ZNF93: variants seen among roughly 807,000 people sequenced by gnomAD.
The protein encoded by ZNF93 is zinc finger protein 505.
ZNF93 carries 29 observed loss-of-function variants against 45.0 expected under a neutral mutation model. The observed-to-expected ratio is 0.64, with a 90% CI of 0.48 to 0.88. The LOEUF (loss-of-function observed/expected upper bound fraction) is 0.88. ZNF93 is among the 40% of genes least tolerant of loss of function. The pLI, the probability that ZNF93 is intolerant of heterozygous loss-of-function variation, is 0.00. For synonymous variants in ZNF93, 223 were observed against 244.6 expected, an observed-to-expected ratio of 0.91 and a Z score of 0.82; for missense variants, 578 against 724.0, an observed-to-expected ratio of 0.80 and a Z score of 2.31.
intron 3 of ZNF93, among the ~76,000 whole-genome samples, chr19:19,923,552 T>C (rs1027254355): frequency 6.6e-6 from 1 of 152,186 alleles, no homozygotes; most frequent in Non-Finnish European, 1.5e-5. Flanking sequence ...CCTTGAGCTG[T>C]GGTGGGCTCC....
At chr19:19,918,058 G>A (rs2063330092) in intron 3 of ZNF93, among the ~76,000 whole-genome samples, 2 of 151,246 alleles carry the variant, frequency 1.3e-5, no homozygotes, top group East Asian at 1.9e-4. Flanking sequence ...CCATTAAGTC[G>A]TCATTTACAT....
At chr19:19,908,297 G>A (rs1038700417) in intron 1 of ZNF93, 1 of 152,164 alleles carries the variant, frequency 6.6e-6, no homozygotes, top group Non-Finnish European at 1.5e-5. Flanking sequence ...GTTGACAGAT[G>A]ATTTCCATAT....
chr19:19,919,480 T>C (rs1485239048), intron 3 of ZNF93, among the ~76,000 whole-genome samples: 8 of 152,220 alleles, frequency 5.3e-5, no homozygotes, highest in Non-Finnish European at 8.8e-5. Context: ...TTTTTTCCAA[T>C]TCTGTGAAGA....
chr19:19,912,654 T>C (rs2063312537), intron 1 of ZNF93, among the ~76,000 whole-genome samples: 1 of 151,904 alleles, frequency 6.6e-6, no homozygotes, highest in South Asian at 2.1e-4. Context: ...CATTAAACTC[T>C]TCTGTATCTC....
intron 3 of ZNF93, chr19:19,927,364 A>T (rs547653993): frequency 2.5e-6 from 1 of 395,806 alleles, no homozygotes; most frequent in Non-Finnish European, 4.4e-6. Context: ...TCTCAAAAAA[A>T]GCTGTTCATT....
At chr19:19,926,110 A>G (rs2063355493) in intron 3 of ZNF93, 1 of 147,028 alleles carries the variant, frequency 6.8e-6, no homozygotes, top group Non-Finnish European at 1.5e-5. Context: ...GATGGAGTCA[A>G]TCTCTGTCAT....
chr19:19,910,798 G>T (rs2063305635), intron 1 of ZNF93, among the ~76,000 whole-genome samples: 1 of 152,086 alleles, frequency 6.6e-6, no homozygotes, highest in Non-Finnish European at 1.5e-5. Context: ...TGCAGATAAG[G>T]TCTGGCCTCT....
chr19:19,917,067 A>G (rs2063326537), intron 3 of ZNF93, among the ~76,000 whole-genome samples: 1 of 151,786 alleles, frequency 6.6e-6, no homozygotes, highest in Non-Finnish European at 1.5e-5. Context: ...TTTCTGTTGC[A>G]TTTTTTTGTT....
chr19:19,914,753 A>G, intron 1 of ZNF93: 1 of 370,470 alleles, frequency 2.7e-6, no homozygotes, highest in Non-Finnish European at 5.2e-6. Context: ...ACTTGGAAAA[A>G]CACAGGCTCT....
In ZNF93 at chr19:19,915,349, C is replaced by T. The variant is rs559188888; in HGVS notation, c.73C>T (p.Gln25Ter). ...LEEWHCLDTA[Q>*]RNLYRNVMLE... Reference sequence around the variant, plus strand: ...GGAGTGGCATTGCCTGGACACTGCACAGCGGAATCTATATAGGAATGTGAT... The same window carrying T: ...GGAGTGGCATTGCCTGGACACTGCATAGCGGAATCTATATAGGAATGTGAT... The change falls in exon 2 of 4, where the codon CAG becomes TAG. Residue 25 changes from glutamine to a stop codon, truncating the protein, a stop_gained. Transcript: ENST00000343769. LOFTEE classifies it high-confidence loss of function. The T allele has an allele frequency of 6.2e-7, 1 of 1,614,078 alleles. No homozygotes were observed. The highest frequency in any genetic ancestry group is 8.5e-7 in the Non-Finnish European group (1 of 1,179,994).
chr19:19,903,681 G>C (rs571063091), intron 1 of ZNF93, among the ~76,000 whole-genome samples: 2 of 152,032 alleles, frequency 1.3e-5, no homozygotes, highest in Admixed American at 6.5e-5. Flanking sequence ...CAGGAGAATC[G>C]CTAGAACCCG....
chr19:19,907,802 G>A (rs2063297127), intron 1 of ZNF93: 1 of 152,074 alleles, frequency 6.6e-6, no homozygotes, highest in Non-Finnish European at 1.5e-5. Flanking sequence ...GCCTCCCAAA[G>A]TGCTGGAATT....
At chr19:19,902,486 G>C (rs2063276464) in intron 1 of ZNF93, among the ~76,000 whole-genome samples, 2 of 151,926 alleles carry the variant, frequency 1.3e-5, no homozygotes, top group Non-Finnish European at 2.9e-5. Flanking sequence ...TCGAGCTCCC[G>C]GCCTCTGGTG....
chr19:19,915,015 ACATGTT>A (rs1252852521), intron 1 of ZNF93, among the ~76,000 whole-genome samples: 6 of 152,378 alleles, frequency 3.9e-5, no homozygotes, highest in East Asian at 1.9e-4. Context: ...TCAAAAATGT[ACATGTT>A]CATGTTCATG....
intron 3 of ZNF93, among the ~76,000 whole-genome samples, chr19:19,930,727 G>A (rs918292801): frequency 1.3e-5 from 2 of 152,066 alleles, no homozygotes; most frequent in African/African-American, 2.4e-5. Flanking sequence ...ATTATAGATC[G>A]AGGATTATTA....
At chr19:19,930,973 A>G (rs1439156970) in intron 3 of ZNF93, among the ~76,000 whole-genome samples, 3 of 151,944 alleles carry the variant, frequency 2.0e-5, no homozygotes, top group Admixed American at 1.3e-4. Flanking sequence ...TAATATAATT[A>G]TGACCACCTT....
At chr19:19,927,791 C>CA (rs1378782337) in intron 3 of ZNF93, among the ~76,000 whole-genome samples, 1 of 152,166 alleles carries the variant, frequency 6.6e-6, no homozygotes, top group Non-Finnish European at 1.5e-5. Context: ...CTTTGCTGCC[C>CA]AGGCTAAAGT....
intron 1 of ZNF93, among the ~76,000 whole-genome samples, chr19:19,906,754 AGTT>A (rs1163817425): frequency 6.6e-6 from 1 of 152,010 alleles, no homozygotes; most frequent in Non-Finnish European, 1.5e-5. Context: ...AGTGCTAGGT[AGTT>A]ATTTGAGCAC....
chr19:19,930,622 G>A (rs2063370915), intron 3 of ZNF93, among the ~76,000 whole-genome samples: 1 of 149,074 alleles, frequency 6.7e-6, no homozygotes, highest in South Asian at 2.1e-4. Context: ...CCTTGTCTGG[G>A]CATAACAGAA....
Sources: allele counts gnomAD v4.1 joint callset (sites outside exome capture counted in the v4.1 genomes callset), GRCh38; gene constraint gnomAD v4.1.1; transcripts MANE v1.5; gene names NCBI Gene and HGNC (gene_info 2026-07-23, HGNC 2026-07-21).